The following NAA16 variants were observed in gnomAD, a reference collection of about 807,000 sequenced individuals.
The protein encoded by NAA16 is NARG1-like protein.
NAA16 carries 97 observed loss-of-function variants against 110.3 expected under a neutral mutation model. That is an observed-to-expected ratio of 0.88 (90% CI 0.75 to 1.04). NAA16 has a LOEUF of 1.04. Ranked by LOEUF, NAA16 falls within the 50% of genes least tolerant of loss-of-function variation. The pLI is 0.00. For missense variants in NAA16, 1,017 were observed against 1,005.1 expected, an observed-to-expected ratio of 1.01 and a Z score of -0.16; for synonymous variants, 372 against 330.6, an observed-to-expected ratio of 1.13 and a Z score of -1.36.
chr13:41,361,998 T>A, intron 12 of NAA16, 33 bp from the exon 13 acceptor site: 2 of 1,601,760 alleles, frequency 1.2e-6, no homozygotes, highest in Non-Finnish European at 1.7e-6. Context: ...TTTCATTGTT[T>A]GCTCTCTATA....
At position 41,318,812 on chromosome 13, in the gene NAA16, T is replaced by C; in HGVS notation, c.146T>C (p.Leu49Ser). Residue 49 changes from leucine to serine, a missense_variant, in exon 3 of 20, where the codon TTG becomes TCG. Physicochemically the swap from Leu to Ser is moderately radical, Grantham distance 145. Transcript: ENST00000379406. ...TTTAAAAATTATTTTTCAGAGACTTTGGCTATGAAAGGATTAACACTGAAC... is the reference window on the plus strand; with the variant it reads ...TTTAAAAATTATTTTTCAGAGACTTCGGCTATGAAAGGATTAACACTGAAC... ...NPKFAEHGET[L>S]AMKGLTLNCL... 6.5e-7 allele frequency: 1 copy of C among 1,540,678 alleles called. No individual in the cohort carries two copies. Among genetic ancestry groups the C allele is most frequent in the Non-Finnish European group, 8.7e-7 (1 of 1,144,066 alleles).
rs2041991551 is a variant in NAA16 at position 41,323,153 on chromosome 13, C to T, written c.500C>T (p.Ala167Val). ...AYHLLKDYDMALKLLEEFRQT... is the reference protein window; with the variant it reads ...AYHLLKDYDMVLKLLEEFRQT... ...CATTTGCTGAAAGATTATGATATGG[C>T]CCTAAAACTGTTGGAAGAATTTAGA... The change falls in exon 5 of 20, where the codon GCC (alanine) becomes GTC (valine). Residue 167 changes from alanine to valine, a missense_variant. Physicochemically the swap from Ala to Val is moderately conservative, Grantham distance 64. Transcript: ENST00000379406. The T allele has an allele frequency of 6.2e-7, 1 of 1,613,736 alleles. No individual in the cohort carries two copies. The highest frequency in any genetic ancestry group is 1.3e-5 in the African/African-American group (1 of 74,866).
In NAA16 at chr13:41,373,076, G is replaced by GTAA. The variant is rs1197017178; in HGVS notation, c.2155+247_2155+249dup. On this transcript the variant is annotated intron_variant, in intron 17 of 19. Coordinates refer to ENST00000379406, the MANE Select transcript of NAA16 (RefSeq NM_024561.5). ...GGACATTAAAGAGATTTGCAATAAC[G>GTAA]TAAAGCAAAATAATAATAATTTACA... is the stretch of plus-strand genomic sequence containing the variant. 21 of 778,148 alleles carry GTAA rather than the reference G, an allele frequency of 2.7e-5. No homozygotes were observed. The African/African-American group carries it at 8.6e-4, about 32-fold the overall frequency. 48.2% of individuals were successfully genotyped at this position (778,148 alleles called of 1,614,324 possible).
chr13:41,329,211 A>T, intron 7 of NAA16, among the ~76,000 whole-genome samples: 1 of 152,032 alleles, frequency 6.6e-6, no homozygotes, highest in Non-Finnish European at 1.5e-5. Flanking sequence ...ATCATTAGAG[A>T]TTCATTACCC....
At chr13:41,343,351 G>C (rs2042602254) in intron 9 of NAA16, among the ~76,000 whole-genome samples, 1 of 152,074 alleles carries the variant, frequency 6.6e-6, no homozygotes, top group African/African-American at 2.4e-5. Flanking sequence ...TAGAATCCCA[G>C]TGCACTGCGA....
intron 14 of NAA16, 23 bp from the exon 15 acceptor site, chr13:41,369,067 T>C: frequency 1.3e-6 from 2 of 1,544,778 alleles, no homozygotes; most frequent in Non-Finnish European, 1.7e-6. Context: ...GGCTCAGAAT[T>C]TTGTTCATTT....
At chr13:41,365,631 T>G (rs1392924493) in intron 13 of NAA16, among the ~76,000 whole-genome samples, 1 of 152,178 alleles carries the variant, frequency 6.6e-6, no homozygotes, top group Non-Finnish European at 1.5e-5. Context: ...CAGGTTTGCT[T>G]GAGGCTGAGT....
intron 9 of NAA16, among the ~76,000 whole-genome samples, chr13:41,346,945 G>A (rs545545288): frequency 3.3e-4 from 50 of 152,208 alleles, no homozygotes; most frequent in African/African-American, 1.2e-3. Context: ...TGAGCCGGGC[G>A]CGGTGGCTCA....
chr13:41,317,005 T>C (rs1168525285), intron 2 of NAA16, 75 bp downstream of exon 2: 2 of 1,038,328 alleles, frequency 1.9e-6, no homozygotes, highest in Non-Finnish European at 3.0e-6. Flanking sequence ...AAGAAGAGTA[T>C]TTCCCCGATT....
chr13:41,358,195 T>C (rs1871253150), intron 10 of NAA16, 109 bp from the exon 11 acceptor site: 10 of 976,790 alleles, frequency 1.0e-5, no homozygotes, highest in Non-Finnish European at 1.5e-5. Flanking sequence ...GCTGAGTCTT[T>C]CTTGCTTATT....
intron 8 of NAA16, among the ~76,000 whole-genome samples, chr13:41,331,707 A>C (rs1297543195): frequency 2.6e-5 from 4 of 152,040 alleles, no homozygotes; most frequent in Non-Finnish European, 5.9e-5. Context: ...AGTTAGATAG[A>C]AGGAATAAGT....
rs911848330 is a variant in NAA16 at position 41,316,366 on chromosome 13, G to A, written c.55-480G>A. On this transcript the variant is annotated intron_variant, in intron 1 of 19. Transcript: ENST00000379406. The stretch of plus-strand genomic sequence containing the variant: ...CTGTTTCCCAGGCTGGAGTGCAGTG[G>A]TGTGATCTCTGCTCACTGCAACCTC... 5.3e-5 allele frequency among the ~76,000 whole-genome samples: 8 copies of A among 151,364 alleles called. No homozygotes were observed. The South Asian group carries it at 1.7e-3, about 32-fold the overall frequency.
intron 8 of NAA16, among the ~76,000 whole-genome samples, chr13:41,331,985 G>T (rs2139416866): frequency 6.6e-6 from 1 of 152,174 alleles, no homozygotes; most frequent in African/African-American, 2.4e-5. Flanking sequence ...GTATTTAGAA[G>T]GTAAATTCCC....
At chr13:41,332,632 ATTTC>A (rs1326767841) in intron 8 of NAA16, among the ~76,000 whole-genome samples, 1 of 152,128 alleles carries the variant, frequency 6.6e-6, no homozygotes, top group Non-Finnish European at 1.5e-5. Flanking sequence ...GACTTCTGGT[ATTTC>A]TTTTGACACA....
chr13:41,340,671 T>G lies in NAA16; in HGVS notation c.1014+3915T>G, dbSNP rs1194143248. On this transcript the variant is annotated intron_variant, in intron 9 of 19. Transcript: ENST00000379406. ...AGTTTTTTTTTTTTTTTTTTTTTTT[T>G]TTTTTTTTTTTTTTTTTTTTCCGAG... is the stretch of plus-strand genomic sequence containing the variant. 1.3e-3 allele frequency among the ~76,000 whole-genome samples: 134 copies of G among 106,992 alleles called. 1 individual carries two copies. The highest frequency in any genetic ancestry group is 5.4e-3 in the African/African-American group (124 of 23,058). The allele number at this position is 106,992 out of a possible 152,430, so 70.2% of individuals were successfully genotyped here. A position where few individuals can be genotyped will look rare whatever the true frequency, so the allele number is the denominator to read the frequency against.
chr13:41,352,081 C>T (rs1294398421), intron 9 of NAA16, among the ~76,000 whole-genome samples: 2 of 152,154 alleles, frequency 1.3e-5, no homozygotes, highest in Admixed American at 6.5e-5. Flanking sequence ...GTGGCTCATG[C>T]GTGTAATCCT....
intron 13 of NAA16, chr13:41,362,986 G>A: frequency 1.3e-6 from 1 of 771,750 alleles, no homozygotes; most frequent in Non-Finnish European, 1.7e-6. Context: ...GATGGGGACT[G>A]GAACTAGAAT....
chr13:41,372,678 G>T, intron 16 of NAA16, 54 bp from the exon 17 acceptor site: 1 of 1,468,144 alleles, frequency 6.8e-7, no homozygotes, highest in Non-Finnish European at 9.1e-7. Context: ...AATAAAGTGA[G>T]GAAAATACTG....
chr13:41,375,287 A>G (rs2043407349), intron 19 of NAA16, 118 bp from the exon 20 acceptor site: 1 of 663,508 alleles, frequency 1.5e-6, no homozygotes, highest in African/African-American at 1.8e-5. Context: ...ATTGTAAGGC[A>G]TTATTTTAGA....
Sources: gnomAD v4.1 joint callset for allele counts (sites outside exome capture counted in the v4.1 genomes callset) on GRCh38, gnomAD v4.1.1 for gene constraint, MANE v1.5 for transcripts, NCBI Gene and HGNC (gene_info 2026-07-23, HGNC 2026-07-21) for gene names.